MMEL1: variants seen among roughly 807,000 people sequenced by gnomAD.
MMEL1 encodes the protein membrane metallo-endopeptidase-like 1.
A neutral mutation model predicts 117.1 loss-of-function variants in MMEL1; 98 were observed. The observed-to-expected ratio is 0.84, with a 90% CI of 0.71 to 0.99. MMEL1 has a LOEUF of 0.99. MMEL1 is among the 50% of genes least tolerant of loss of function. The probability of loss-of-function intolerance (pLI) is 0.00; values close to 1 mark genes in which losing one functional copy is unlikely to be tolerated. For synonymous variants in MMEL1, 390 were observed against 415.1 expected (o/e 0.94, Z 0.74); for missense variants, 1,014 against 1,049.1 (o/e 0.97, Z 0.46).
At chr1:2,606,126 G>A in intron 8 of MMEL1, 122 bp downstream of exon 8, 1 of 755,524 alleles carries the variant, frequency 1.3e-6, no homozygotes. Flanking sequence ...GGAGCCAGGA[G>A]CCCAGGTCCC....
At chr1:2,591,165 A>G in intron 23 of MMEL1, 76 bp from the exon 24 acceptor site, 1 of 1,048,596 alleles carries the variant, frequency 9.5e-7, no homozygotes, top group Non-Finnish European at 1.4e-6. Context: ...CTCCGTGATT[A>G]AAAACCAGCC....
chr1:2,592,972 C>A lies in MMEL1; in HGVS notation c.1868-6G>T, dbSNP rs764815488. ...ATTCTTGTCGAAGTTCCGGCCTGGG[C>A]AGGGGCAGAGGAGGGCTGCCCACAT... On this transcript the variant is annotated splice_polypyrimidine_tract_variant and splice_region_variant and intron_variant, in intron 19 of 23. Transcript: ENST00000378412. The A allele has an allele frequency of 6.2e-7, 1 of 1,612,580 alleles. No homozygotes were observed. The highest frequency in any genetic ancestry group is 1.7e-5 in the Admixed American group (1 of 59,984).
At chr1:2,606,053 G>T (rs1645020669) in intron 8 of MMEL1, among the ~76,000 whole-genome samples, 195 bp downstream of exon 8, 1 of 152,134 alleles carries the variant, frequency 6.6e-6, no homozygotes, top group African/African-American at 2.4e-5. Flanking sequence ...CCCCAGCTTG[G>T]CCAGGAGGCC....
In MMEL1 at chr1:2,591,160, T is replaced by A. The variant is rs1229823027; in HGVS notation, c.2241-71A>T. The A allele has an allele frequency of 1.0e-5, 12 of 1,150,392 alleles. No homozygotes were observed. The African/African-American group carries it at 1.7e-4, about 16-fold the overall frequency. 71.3% of individuals were successfully genotyped at this position (1,150,392 alleles called of 1,614,324 possible). ...AAACATGGCCATTTTAAGTTCTCCG[T>A]GATTAAAAACCAGCCCAAAACATCA... On this transcript the variant is annotated intron_variant, in intron 23 of 23. Transcript: ENST00000378412.
chr1:2,613,414 G>A (rs544980163), intron 2 of MMEL1, among the ~76,000 whole-genome samples: 5 of 152,284 alleles, frequency 3.3e-5, no homozygotes, highest in African/African-American at 1.2e-4. Context: ...GAGTGGATTC[G>A]AGGGACATCA....
intron 7 of MMEL1, 49 bp from the exon 8 acceptor site, chr1:2,606,415 AGC>A: frequency 6.9e-7 from 1 of 1,453,526 alleles, no homozygotes; most frequent in South Asian, 1.1e-5. Context: ...CTGGGGCCCC[AGC>A]CCGGCCCCTT....
At chr1:2,632,279 G>A (rs750787100) in intron 1 of MMEL1, among the ~76,000 whole-genome samples, 4 of 152,172 alleles carry the variant, frequency 2.6e-5, no homozygotes, top group Admixed American at 2.0e-4. Flanking sequence ...CCCTGGGAAC[G>A]TCAGCTCCAC....
rs762097290 is a variant in MMEL1, at chr1:2,609,419, G to T, written c.455C>A (p.Ala152Glu). The stretch of plus-strand genomic sequence containing the variant: ...CTTGGCAGTCGAATTCTCCAGCACC[G>T]CTGTGGGCACAGGAAAAGGTTGGAC... ...LRDELEVILK[A>E]VLENSTAKDR... The change falls in exon 6 of 24, where the codon GCG (alanine) becomes GAG (glutamate). Residue 152 changes from alanine to glutamate, a missense_variant and splice_region_variant. Ala to Glu is a moderately radical substitution (Grantham distance 107, BLOSUM62 -1). Transcript: ENST00000378412. 1.2e-6 allele frequency: 2 copies of T among 1,608,792 alleles called. No individual in the cohort carries two copies. The highest frequency in any genetic ancestry group is 1.1e-5 in the South Asian group (1 of 90,196).
At chr1:2,600,912 A>T in intron 11 of MMEL1, among the ~76,000 whole-genome samples, 1 of 152,368 alleles carries the variant, frequency 6.6e-6, no homozygotes, top group East Asian at 1.9e-4. Context: ...AAATATGTAT[A>T]AGAACTTGAC....
chr1:2,610,038 G>T (rs1013825933), intron 4 of MMEL1, among the ~76,000 whole-genome samples: 19 of 152,112 alleles, frequency 1.2e-4, no homozygotes, highest in Non-Finnish European at 8.8e-5. Flanking sequence ...CAGTGCTAGG[G>T]TTTTCACTTA....
At chr1:2,623,596 A>T (rs572547311) in intron 2 of MMEL1, among the ~76,000 whole-genome samples, 2 of 152,324 alleles carry the variant, frequency 1.3e-5, no homozygotes, top group African/African-American at 4.8e-5. Context: ...TTTTTCACAC[A>T]TTCTTACAGG....
At chr1:2,620,079 A>G (rs1645267913) in intron 2 of MMEL1, among the ~76,000 whole-genome samples, 1 of 152,224 alleles carries the variant, frequency 6.6e-6, no homozygotes, top group Non-Finnish European at 1.5e-5. Flanking sequence ...AATCACAACA[A>G]ATCCACAGCA....
intron 22 of MMEL1, 125 bp from the exon 23 acceptor site, chr1:2,591,758 C>A: frequency 9.6e-7 from 1 of 1,036,774 alleles, no homozygotes; most frequent in South Asian, 1.3e-5. Flanking sequence ...AGCAGGTGCT[C>A]CCCTCCTCCC....
At chr1:2,617,671 C>T (rs959525366) in intron 2 of MMEL1, among the ~76,000 whole-genome samples, 3 of 152,314 alleles carry the variant, frequency 2.0e-5, no homozygotes, top group East Asian at 1.9e-4. Context: ...CAAGATCACA[C>T]ACCCAAGGTC....
chr1:2,598,326 G>A, intron 12 of MMEL1, 26 bp from the exon 13 acceptor site: 1 of 1,607,790 alleles, frequency 6.2e-7, no homozygotes, highest in Non-Finnish European at 8.5e-7. Flanking sequence ...AGAGGGTGAG[G>A]GGAGAACAGG....
At chr1:2,605,174 CCT>C (rs1321865154) in intron 9 of MMEL1, among the ~76,000 whole-genome samples, 2 of 152,214 alleles carry the variant, frequency 1.3e-5, no homozygotes, top group Non-Finnish European at 2.9e-5. Context: ...TCATCCCTCC[CCT>C]CTCTTGACAG....
chr1:2,591,684 G>A (rs770230261), intron 22 of MMEL1, 51 bp from the exon 23 acceptor site: 3 of 1,299,038 alleles, frequency 2.3e-6, no homozygotes, highest in Admixed American at 1.7e-5. Flanking sequence ...GGGTGGCCAG[G>A]AGGGGTGGGG....
chr1:2,621,582 T>TTG (rs1553145504), intron 2 of MMEL1, among the ~76,000 whole-genome samples: 10 of 151,364 alleles, frequency 6.6e-5, no homozygotes, highest in African/African-American at 2.5e-4. Flanking sequence ...ATTTTTTTTT[T>TTG]TTTGTTTTGG....
rs1413924303 is a variant in MMEL1, at chr1:2,609,673, T to C, written c.451A>G (p.Lys151Glu). Residue 151 changes from lysine (K) to glutamate (E), a missense_variant, in exon 5 of 24, where the codon AAA (lysine) becomes GAA (glutamate). Physicochemically the swap from Lys to Glu is moderately conservative, Grantham distance 56. Transcript: ENST00000378412. Reference sequence around the variant, plus strand: ...ACCCCCGGCCGTGCTCTGCCACCTTTGAGGATGACCTCCAGCTCGTCGCGG... The same window carrying C: ...ACCCCCGGCCGTGCTCTGCCACCTTCGAGGATGACCTCCAGCTCGTCGCGG... ...VLRDELEVILKAVLENSTAKD... is the reference protein window; with the variant it reads ...VLRDELEVILEAVLENSTAKD... The C allele has an allele frequency of 2.5e-6, 4 of 1,608,264 alleles. No individual in the cohort carries two copies. Among genetic ancestry groups the C allele is most frequent in the Non-Finnish European group, 3.4e-6 (4 of 1,176,942 alleles).
Sources: gnomAD v4.1 joint callset for allele counts (sites outside exome capture counted in the v4.1 genomes callset) on GRCh38, gnomAD v4.1.1 for gene constraint, MANE v1.5 for transcripts, NCBI Gene and HGNC (gene_info 2026-07-23, HGNC 2026-07-21) for gene names.